The following TMEM207 variants were observed in gnomAD, a reference collection of about 807,000 sequenced individuals.
The protein encoded by TMEM207 is transmembrane protein 207.
A neutral mutation model predicts 17.4 loss-of-function variants in TMEM207; 15 were observed. The ratio of observed to expected loss-of-function variants is 0.86; its 90% CI spans 0.58 to 1.33. TMEM207 has a LOEUF of 1.33. Ranked by LOEUF, TMEM207 falls within the 40% of genes most tolerant of loss-of-function variation. The pLI, the probability that TMEM207 is intolerant of heterozygous loss-of-function variation, is 0.00. For synonymous variants in TMEM207, 70 were observed against 65.6 expected (o/e 1.07, Z -0.33); for missense variants, 205 against 173.8 (o/e 1.18, Z -1.01).
chr3:190,428,721 C>T lies in TMEM207; in HGVS notation c.*874G>A, dbSNP rs149280276. 2 of 152,298 alleles carry T rather than the reference C, an allele frequency of 1.3e-5. No homozygotes were observed. Among genetic ancestry groups the T allele is most frequent in the African/African-American group, 4.8e-5 (2 of 41,560 alleles). The allele number at this position is 152,298 out of a possible 1,614,324, so 9.4% of individuals were successfully genotyped here. A position where few individuals can be genotyped will look rare whatever the true frequency, so the allele number is the denominator to read the frequency against. On this transcript the variant is annotated 3_prime_UTR_variant, in exon 5 of 5. Transcript: ENST00000354905. ...TTGTCAGCTGAAGATCATATGTCAT[C>T]TGTGATGGATGTTTTTGTCTGTCCC...
chr3:190,429,428 A>C lies in TMEM207; in HGVS notation c.*167T>G. ...GCTACTTTACTATTTAAACATCTCCATGACCAAAATTTTTTCCAACATCCA... is the reference window on the plus strand; with the variant it reads ...GCTACTTTACTATTTAAACATCTCCCTGACCAAAATTTTTTCCAACATCCA... On this transcript the variant is annotated 3_prime_UTR_variant, in exon 5 of 5. Transcript: ENST00000354905. 1.1e-6 allele frequency: 1 copy of C among 921,932 alleles called. No individual in the cohort carries two copies. The highest frequency in any genetic ancestry group is 1.6e-6 in the Non-Finnish European group (1 of 635,540). 57.1% of individuals were successfully genotyped at this position (921,932 alleles called of 1,614,324 possible).
intron 4 of TMEM207, among the ~76,000 whole-genome samples, chr3:190,435,987 A>C (rs1719796439): frequency 6.6e-6 from 1 of 152,208 alleles, no homozygotes; most frequent in Non-Finnish European, 1.5e-5. Context: ...GATTGAAAGA[A>C]ATTCTCTATT....
chr3:190,435,384 A>T (rs1719782972), intron 4 of TMEM207, among the ~76,000 whole-genome samples: 1 of 152,116 alleles, frequency 6.6e-6, no homozygotes, highest in African/African-American at 2.4e-5. Flanking sequence ...GGTTCATCCC[A>T]ATTACCTCAT....
chr3:190,433,451 C>CT (rs994242922), intron 4 of TMEM207, among the ~76,000 whole-genome samples: 2 of 151,944 alleles, frequency 1.3e-5, no homozygotes, highest in African/African-American at 4.8e-5. Flanking sequence ...AAATCCTTAT[C>CT]TTTTTTTAAA....
intron 4 of TMEM207, among the ~76,000 whole-genome samples, chr3:190,439,418 T>C (rs928112586): frequency 6.6e-6 from 1 of 152,188 alleles, no homozygotes; most frequent in Non-Finnish European, 1.5e-5. Context: ...GCCCAGTTTC[T>C]GAAAGACGGC....
At chr3:190,434,605 A>T (rs1252321613) in intron 4 of TMEM207, among the ~76,000 whole-genome samples, 1 of 152,248 alleles carries the variant, frequency 6.6e-6, no homozygotes, top group Non-Finnish European at 1.5e-5. Flanking sequence ...TAAGAAAAGA[A>T]AACATCAAAA....
chr3:190,436,977 G>C (rs1215523279), intron 4 of TMEM207, among the ~76,000 whole-genome samples: 1 of 152,172 alleles, frequency 6.6e-6, no homozygotes, highest in East Asian at 1.9e-4. Flanking sequence ...AACATCGGCA[G>C]TGGGTGGAAC....
chr3:190,445,825 G>C (rs926368560), intron 2 of TMEM207, among the ~76,000 whole-genome samples: 2 of 152,078 alleles, frequency 1.3e-5, no homozygotes, highest in Non-Finnish European at 2.9e-5. Flanking sequence ...GCGCCCGGTC[G>C]ACCAGTTTTG....
At chr3:190,443,863 G>A (rs939961929) in intron 2 of TMEM207, among the ~76,000 whole-genome samples, 1 of 152,188 alleles carries the variant, frequency 6.6e-6, no homozygotes, top group Non-Finnish European at 1.5e-5. Flanking sequence ...TCATCGGGGG[G>A]AAGTGAGAGC....
chr3:190,447,047 T>C (rs1434570240), intron 2 of TMEM207, among the ~76,000 whole-genome samples: 2 of 152,112 alleles, frequency 1.3e-5, no homozygotes, highest in Admixed American at 1.3e-4. Flanking sequence ...AGCAGGTGAA[T>C]GGTCCCAATT....
intron 3 of TMEM207, 43 bp downstream of exon 3, chr3:190,441,395 A>G: frequency 6.7e-7 from 1 of 1,493,510 alleles, no homozygotes; most frequent in Non-Finnish European, 9.3e-7. Context: ...AAGACTGTAT[A>G]TACCACCAAC....
At chr3:190,429,796 G>A in intron 4 of TMEM207, 65 bp from the exon 5 acceptor site, 5 of 1,453,542 alleles carry the variant, frequency 3.4e-6, no homozygotes, top group Non-Finnish European at 4.6e-6. Context: ...TACATGAACT[G>A]CCCGATAAAA....
rs547345381 is a variant in TMEM207, at chr3:190,430,092, A to T, written c.305-361T>A. ...TGCCAACATGGGAAATGTAAATTGC[A>T]TTAGAAAAATTAAAATATCACTTTC... On this transcript the variant is annotated intron_variant, in intron 4 of 4. Transcript: ENST00000354905. Among the ~76,000 whole-genome samples, 14 of 152,314 alleles carry T rather than the reference A, an allele frequency of 9.2e-5. No individual in the cohort carries two copies. The South Asian group carries it at 2.7e-3, about 29-fold the overall frequency.
At chr3:190,447,110 AGT>A (rs1720068028) in intron 2 of TMEM207, among the ~76,000 whole-genome samples, 1 of 151,928 alleles carries the variant, frequency 6.6e-6, no homozygotes, top group Non-Finnish European at 1.5e-5. Context: ...CATGGCTTTG[AGT>A]GTAACAGGCA....
At chr3:190,447,855 T>C (rs775530643) in intron 1 of TMEM207, 28 bp from the exon 2 acceptor site, 5 of 1,605,520 alleles carry the variant, frequency 3.1e-6, no homozygotes, top group South Asian at 2.2e-5. Context: ...AACAATAAAA[T>C]CCAAACATCT....
chr3:190,447,602 G>T (rs1374624473), intron 2 of TMEM207, among the ~76,000 whole-genome samples, 188 bp downstream of exon 2: 5 of 151,984 alleles, frequency 3.3e-5, no homozygotes, highest in African/African-American at 1.2e-4. Context: ...TGATCGTAAT[G>T]AAAATTATCT....
rs1482506531 is a variant in TMEM207, at chr3:190,449,738, G to C, written c.72C>G (p.Phe24Leu). 3.1e-6 allele frequency: 5 copies of C among 1,613,710 alleles called. No individual in the cohort carries two copies. Among genetic ancestry groups the C allele is most frequent in the Non-Finnish European group, 4.2e-6 (5 of 1,179,724 alleles). Residue 24 changes from phenylalanine (F) to leucine (L), a missense_variant, in exon 1 of 5, where the codon TTC becomes TTG. Transcript: ENST00000354905. ...STIGILCLPL[F>L]QLVLSDLPCE... ...ACCCAGAAAGAGAGATAGTTACCTG[G>C]AATAGCGGCAAACACAAGATCCCTA... is the stretch of plus-strand genomic sequence containing the variant.
At chr3:190,440,790 C>T (rs186861119) in intron 3 of TMEM207, among the ~76,000 whole-genome samples, 9 of 152,270 alleles carry the variant, frequency 5.9e-5, no homozygotes, top group African/African-American at 1.9e-4. Flanking sequence ...GCAGAGGGGC[C>T]GGGCGCGGTG....
chr3:190,434,850 A>G (rs1335855767), intron 4 of TMEM207, among the ~76,000 whole-genome samples: 1 of 152,238 alleles, frequency 6.6e-6, no homozygotes, highest in Admixed American at 6.5e-5. Context: ...GGAACATAGT[A>G]AAGGGAGAAG....
Sources: gnomAD v4.1 joint callset for allele counts (sites outside exome capture counted in the v4.1 genomes callset) on GRCh38, gnomAD v4.1.1 for gene constraint, MANE v1.5 for transcripts, NCBI Gene and HGNC (gene_info 2026-07-23, HGNC 2026-07-21) for gene names.